PER2: variants seen among roughly 807,000 people sequenced by gnomAD.
PER2 encodes the protein period circadian regulator 2, also known as period circadian protein homolog 2.
In PER2, 66 loss-of-function variants were observed where a neutral mutation model predicts 121.0. That is an observed-to-expected ratio of 0.55 (90% confidence interval 0.45 to 0.67). The LOEUF (loss-of-function observed/expected upper bound fraction) is 0.67. PER2 is among the 30% of genes least tolerant of loss of function. The pLI is 0.00. For synonymous variants in PER2, 684 were observed against 659.9 expected (o/e 1.04, Z -0.56); for missense variants, 1,521 against 1,635.0 (o/e 0.93, Z 1.20).
intron 22 of PER2, 98 bp downstream of exon 22, chr2:238,248,964 A>G: frequency 3.0e-6 from 4 of 1,354,230 alleles, no homozygotes; most frequent in Non-Finnish European, 4.2e-6. Flanking sequence ...CTAATTTTAG[A>G]AGTTTTAAAT....
chr2:238,253,365 C>T lies in PER2; in HGVS notation c.2658G>A (p.Gln886=). Residue 886 remains glutamine, a synonymous_variant, in exon 19 of 23, where the codon CAG becomes CAA. Transcript: ENST00000254657. The surrounding 1 kb of genome is among the most constrained non-coding windows in gnomAD (Gnocchi z 5.6). ...GTGGGGGCTGGACTGCAAACTGGTGCTGGAGGTCCACGGGCACAGCAGGCA... is the reference window on the plus strand; with the variant it reads ...GTGGGGGCTGGACTGCAAACTGGTGTTGGAGGTCCACGGGCACAGCAGGCA... ...FTVPAVPVDL[Q]HQFAVQPPPF... 6.2e-7 allele frequency: 1 copy of T among 1,613,078 alleles called. No individual in the cohort carries two copies.
chr2:238,280,023 A>G (rs578214658), intron 1 of PER2, among the ~76,000 whole-genome samples: 2 of 152,356 alleles, frequency 1.3e-5, no homozygotes, highest in East Asian at 3.9e-4. Context: ...TGGGAGAAGA[A>G]CGGACACAGG....
At position 238,252,726 on chromosome 2, in the gene PER2, A is replaced by G. The variant is rs1267830899; in HGVS notation, c.3111+186T>C. ...TCCACGACAATAAAAGGCTTCGAAT[A>G]ATCTACTCTGATAGGATTAAGTGGG... On this transcript the variant is annotated intron_variant, in intron 19 of 22. Coordinates refer to ENST00000254657, the MANE Select transcript of PER2 (RefSeq NM_022817.3). This position sits in a 1 kb window ranked among gnomAD's most constrained non-coding sequence, Gnocchi z 4.2. Among the ~76,000 whole-genome samples, 1 of 152,240 alleles carries G rather than the reference A, an allele frequency of 6.6e-6. No homozygotes were observed. The highest frequency in any genetic ancestry group is 1.5e-5 in the Non-Finnish European group (1 of 68,046).
intron 4 of PER2, among the ~76,000 whole-genome samples, chr2:238,274,261 C>T (rs1696384170): frequency 1.3e-5 from 2 of 152,362 alleles, no homozygotes; most frequent in Admixed American, 6.5e-5. Context: ...GCCCTCACTC[C>T]AGGCGGGAGC....
rs771880290 is a variant in PER2 at position 238,277,897 on chromosome 2, G to A, written c.40C>T (p.Pro14Ser). Residue 14 changes from proline to serine, a missense_variant, in exon 2 of 23, where the codon CCC (proline) becomes TCC (serine). By Grantham distance (74) the Pro-to-Ser change is moderately conservative. Transcript: ENST00000254657. The stretch of plus-strand genomic sequence containing the variant: ...TGGGGCTCCACGGGCTCCTTGGTGG[G>A]GTTACTGGGGCTGGGCGGAAATTCC... ...YAEFPPSPSN[P>S]TKEPVEPQPS... 1 of 1,614,044 alleles carries A rather than the reference G, an allele frequency of 6.2e-7. No homozygotes were observed. Among genetic ancestry groups the A allele is most frequent in the South Asian group, 1.1e-5 (1 of 91,072 alleles).
At chr2:238,259,862 A>C in intron 14 of PER2, 107 bp downstream of exon 14, 1 of 685,920 alleles carries the variant, frequency 1.5e-6, no homozygotes, top group Non-Finnish European at 2.7e-6. Flanking sequence ...ACACGGCTAC[A>C]AGGTAGACTC....
At chr2:238,292,831 G>A (rs1474073001), upstream of PER2, among the ~76,000 whole-genome samples, 3 of 150,868 alleles carry the variant, frequency 2.0e-5, no homozygotes, top group Non-Finnish European at 3.0e-5. Flanking sequence ...TCCGCTTCCT[G>A]GGTTCAAGAG....
At chr2:238,299,352 T>A in the PER2 span, 1 of 151,768 alleles carries the variant, frequency 6.6e-6, no homozygotes, top group Non-Finnish European at 1.5e-5. Flanking sequence ...CCAGCCTGGC[T>A]AACATGGGCA....
At chr2:238,287,622 C>T (rs538747229) in intron 1 of PER2, among the ~76,000 whole-genome samples, 139 of 152,242 alleles carry the variant, frequency 9.1e-4, no homozygotes, top group Non-Finnish European at 1.8e-3. Context: ...CATCCTGCCC[C>T]AGGACGATGG....
At chr2:238,263,635 C>T (rs1463367358) in intron 9 of PER2, among the ~76,000 whole-genome samples, 1 of 152,160 alleles carries the variant, frequency 6.6e-6, no homozygotes, top group African/African-American at 2.4e-5. Context: ...GCAGCACCTT[C>T]TGCTTCTGTT....
At chr2:238,269,610 T>C (rs555151189) in intron 6 of PER2, among the ~76,000 whole-genome samples, 1 of 150,602 alleles carries the variant, frequency 6.6e-6, no homozygotes, top group East Asian at 2.0e-4. Context: ...AACCTGCAAC[T>C]GAACACACTC....
chr2:238,256,859 A>C, intron 17 of PER2, 63 bp downstream of exon 17: 1 of 1,543,932 alleles, frequency 6.5e-7, no homozygotes, highest in Non-Finnish European at 8.9e-7. Flanking sequence ...TTAAGATGGC[A>C]AACTTCTTGT....
upstream of PER2, among the ~76,000 whole-genome samples, chr2:238,288,965 T>C (rs901611049): frequency 6.6e-6 from 1 of 152,174 alleles, no homozygotes. Flanking sequence ...CATGTTCACC[T>C]CGTCGGTTCC....
intron 22 of PER2, 65 bp downstream of exon 22, chr2:238,248,997 G>A: frequency 6.6e-7 from 1 of 1,524,244 alleles, no homozygotes; most frequent in Non-Finnish European, 9.1e-7. Context: ...TGCAAAGACA[G>A]TACAGAGAAT....
At chr2:238,266,599 G>A (rs1404156676) in intron 8 of PER2, among the ~76,000 whole-genome samples, 2 of 152,156 alleles carry the variant, frequency 1.3e-5, no homozygotes, top group African/African-American at 4.8e-5. Context: ...GAAGGAGACT[G>A]GTAATTTGGG....
intron 9 of PER2, among the ~76,000 whole-genome samples, chr2:238,264,713 C>T (rs1292008600): frequency 1.3e-5 from 2 of 152,150 alleles, no homozygotes; most frequent in African/African-American, 2.4e-5. Context: ...TAGCCTTGAA[C>T]TCCTAGGCTC....
Position 238,251,582 on chromosome 2 carries a change from C to T in PER2, c.3274+17G>A, listed in dbSNP as rs372732814. ...GGAACCTCCCAAGTGCCTAACACCC[C>T]GCCAGGGCCAACATACCTGCCCCAC... On this transcript the variant is annotated intron_variant, in intron 20 of 22. Transcript: ENST00000254657. The T allele has an allele frequency of 1.6e-4, 255 of 1,613,076 alleles. 1 individual carries two copies. Among genetic ancestry groups the T allele is most frequent in the Admixed American group, 2.8e-4 (17 of 60,020 alleles).
intron 21 of PER2, 24 bp from the exon 22 acceptor site, chr2:238,249,236 G>T: frequency 6.2e-7 from 1 of 1,608,318 alleles, no homozygotes; most frequent in Non-Finnish European, 8.5e-7. Context: ...TTAGAAATCG[G>T]TAAGCTTTCA....
rs951079428 is a variant in PER2, at chr2:238,255,851, A to G, written c.2126T>C (p.Leu709Pro). The G allele has an allele frequency of 2.5e-6, 4 of 1,614,238 alleles. No individual in the cohort carries two copies. The highest frequency in any genetic ancestry group is 2.5e-6 in the Non-Finnish European group (3 of 1,180,034). Residue 709 changes from leucine to proline, a missense_variant, in exon 18 of 23, where the codon CTG becomes CCG. By Grantham distance (98) the Leu-to-Pro change is moderately conservative. Coordinates refer to ENST00000254657, the MANE Select transcript of PER2 (RefSeq NM_022817.3). ...ESLDCLAGPA[L>P]ACGLSQEKEP... Reference sequence around the variant, plus strand: ...CTTCTCTTGGCTGAGACCACAGGCCAGGGCAGGGCCCGCCAGGCAGTCCAG... The same window carrying G: ...CTTCTCTTGGCTGAGACCACAGGCCGGGGCAGGGCCCGCCAGGCAGTCCAG...
Sources: gnomAD v4.1 joint callset for allele counts (sites outside exome capture counted in the v4.1 genomes callset) on GRCh38, gnomAD v4.1.1 for gene constraint, Gnocchi (gnomAD v3.1) non-coding constraint, MANE v1.5 for transcripts, NCBI Gene and HGNC (gene_info 2026-07-23, HGNC 2026-07-21) for gene names.